Variants in EPG5 observed in about 807,000 individuals in gnomAD.
EPG5 encodes the protein ectopic P granules protein 5 homolog.
Under a neutral mutation model 302.7 loss-of-function variants are expected in EPG5, and 159 were observed. The observed-to-expected ratio is 0.53, with a 90% CI of 0.46 to 0.60. EPG5 has a LOEUF of 0.60. EPG5 is among the 20% of genes least tolerant of loss of function. The pLI, the probability that EPG5 is intolerant of heterozygous loss-of-function variation, is 0.00. For synonymous variants in EPG5, 1,158 were observed against 1,136.8 expected, an observed-to-expected ratio of 1.02 and a Z score of -0.37; for missense variants, 2,896 against 3,092.4, an observed-to-expected ratio of 0.94 and a Z score of 1.51.
the EPG5 span, chr18:45,838,637 C>T: frequency 1.4e-6 from 2 of 1,443,592 alleles, no homozygotes; most frequent in Non-Finnish European, 1.8e-6. Flanking sequence ...TTCTGACCAG[C>T]CCCCACCCCT....
the EPG5 span, among the ~76,000 whole-genome samples, chr18:45,812,538 C>G: frequency 2.4e-4 from 37 of 152,226 alleles, no homozygotes; most frequent in South Asian, 3.5e-3. Context: ...GCTACAGTAA[C>G]CAAAACAGCT....
chr18:45,870,055 C>CT (rs1001395478), intron 36 of EPG5, among the ~76,000 whole-genome samples: 4 of 152,184 alleles, frequency 2.6e-5, no homozygotes, highest in Non-Finnish European at 5.9e-5. Flanking sequence ...CATGCACTCT[C>CT]TTTTTTTAAG....
Position 45,954,846 on chromosome 18 carries a change from C to T in EPG5, c.556G>A (p.Val186Ile), listed in dbSNP as rs1221105354. Residue 186 changes from valine (V) to isoleucine (I), a missense_variant, in exon 2 of 44, where the codon GTT becomes ATT. Physicochemically the swap from Val to Ile is conservative, Grantham distance 29. This residue lies in a region of EPG5 where 1,390 missense variants were observed against 1,430.0 expected (regional missense o/e 0.97). Transcript: ENST00000282041. Reference protein sequence around the residue: ...QNSKEDKQGLVCSSEVPQNVG... With the variant: ...QNSKEDKQGLICSSEVPQNVG... Reference sequence around the variant, plus strand: ...TTCTGTGGCACCTCTGAAGAACAAACCAGGCCTTGTTTGTCTTCTTTACTA... The same window carrying T: ...TTCTGTGGCACCTCTGAAGAACAAATCAGGCCTTGTTTGTCTTCTTTACTA... 6.2e-7 allele frequency: 1 copy of T among 1,614,216 alleles called. No individual in the cohort carries two copies.
chr18:45,925,937 G>T, intron 13 of EPG5, 35 bp from the exon 14 acceptor site: 1 of 1,257,122 alleles, frequency 8.0e-7, no homozygotes, highest in Non-Finnish European at 1.0e-6. Flanking sequence ...ATTAAATAAA[G>T]ACTTAGAAAC....
chr18:45,843,371 G>A (rs947284774), downstream of EPG5: 1 of 152,262 alleles, frequency 6.6e-6, no homozygotes, highest in African/African-American at 2.4e-5. Context: ...GGCATGCCTG[G>A]GTCCCAGGTA....
chr18:45,802,044 G>A, the EPG5 span, among the ~76,000 whole-genome samples: 1 of 152,250 alleles, frequency 6.6e-6, no homozygotes, highest in Non-Finnish European at 1.5e-5. Flanking sequence ...ACCCTGCAGT[G>A]TCCACTCCCT....
At chr18:45,958,208 G>C (rs887230135) in intron 1 of EPG5, among the ~76,000 whole-genome samples, 2 of 152,170 alleles carry the variant, frequency 1.3e-5, no homozygotes, top group South Asian at 4.1e-4. Flanking sequence ...TAAATGGAAA[G>C]ACAATCTATG....
chr18:45,928,832 T>G, intron 13 of EPG5, 37 bp downstream of exon 13: 1 of 1,594,752 alleles, frequency 6.3e-7, no homozygotes, highest in Non-Finnish European at 8.5e-7. Flanking sequence ...ACTCCAAGAT[T>G]TGAAAAAACA....
chr18:45,840,613 G>C, the EPG5 span, among the ~76,000 whole-genome samples: 2 of 152,236 alleles, frequency 1.3e-5, no homozygotes, highest in African/African-American at 4.8e-5. Context: ...GGTTCTGAGA[G>C]CCTAGGTGAG....
chr18:45,912,949 G>C (rs1215280756), intron 21 of EPG5, among the ~76,000 whole-genome samples: 3 of 152,044 alleles, frequency 2.0e-5, no homozygotes, highest in Non-Finnish European at 4.4e-5. Flanking sequence ...TTAGCTGGGT[G>C]TGGTGGTGCA....
intron 39 of EPG5, among the ~76,000 whole-genome samples, chr18:45,861,729 A>C (rs1223441451): frequency 6.6e-6 from 1 of 152,178 alleles, no homozygotes; most frequent in Non-Finnish European, 1.5e-5. Context: ...CATTAACAAC[A>C]TTTAGCACCG....
chr18:45,894,084 T>C (rs2049413853), intron 27 of EPG5, among the ~76,000 whole-genome samples: 1 of 152,122 alleles, frequency 6.6e-6, no homozygotes, highest in African/African-American at 2.4e-5. Flanking sequence ...GAACTAATCA[T>C]AACACAAAAT....
At chr18:45,943,654 G>A (rs1355457406) in intron 8 of EPG5, among the ~76,000 whole-genome samples, 1 of 152,138 alleles carries the variant, frequency 6.6e-6, no homozygotes, top group African/African-American at 2.4e-5. Context: ...AGGCACGGTG[G>A]CTCACGCCTG....
At chr18:45,966,693 G>A (rs2051271357) in intron 1 of EPG5, among the ~76,000 whole-genome samples, 1 of 152,112 alleles carries the variant, frequency 6.6e-6, no homozygotes. Flanking sequence ...CTATCATCTT[G>A]AACTTTCAAA....
chr18:45,870,614 A>G lies in EPG5; in HGVS notation c.6178T>C (p.Trp2060Arg), dbSNP rs1387088435. The G allele has an allele frequency of 1.2e-6, 2 of 1,613,976 alleles. No individual in the cohort carries two copies. Among genetic ancestry groups the G allele is most frequent in the Non-Finnish European group, 1.7e-6 (2 of 1,180,012 alleles). The part of the protein sequence containing the change: ...AFHSTYRKLP[W>R]KDLHPDQMLM... ...ATCTGGTCAGGGTGCAGGTCCTTCCATGGCAGTTTCCGGTACGTGCTATGG... is the reference window on the plus strand; with the variant it reads ...ATCTGGTCAGGGTGCAGGTCCTTCCGTGGCAGTTTCCGGTACGTGCTATGG... Residue 2060 changes from tryptophan to arginine, a missense_variant, in exon 36 of 44, where the codon TGG becomes CGG. This residue lies in a region of EPG5 where 620 missense variants were observed against 704.2 expected (regional missense o/e 0.88). Transcript: ENST00000282041.
chr18:45,824,111 G>T, the EPG5 span, among the ~76,000 whole-genome samples: 3 of 152,232 alleles, frequency 2.0e-5, no homozygotes, highest in Non-Finnish European at 4.4e-5. Flanking sequence ...CTGTGGTTGG[G>T]TGGGGGCAGG....
the EPG5 span, chr18:45,841,976 A>G: frequency 3.6e-6 from 3 of 842,026 alleles, no homozygotes; most frequent in South Asian, 4.7e-5. Flanking sequence ...TTCATCTCTG[A>G]GCCCTGCCGG....
intron 39 of EPG5, among the ~76,000 whole-genome samples, chr18:45,864,069 C>T (rs562475144): frequency 1.3e-5 from 2 of 152,248 alleles, no homozygotes; most frequent in South Asian, 2.1e-4. Context: ...ATTAAACCTT[C>T]TCAGCCTATC....
intron 11 of EPG5, among the ~76,000 whole-genome samples, chr18:45,933,389 G>A (rs967329195): frequency 2.0e-5 from 3 of 152,222 alleles, no homozygotes; most frequent in African/African-American, 7.2e-5. Context: ...AAGAGAGACA[G>A]AAATGGAGGC....
Sources: gnomAD v4.1 joint callset for allele counts (sites outside exome capture counted in the v4.1 genomes callset) on GRCh38, gnomAD v4.1.1 for gene constraint, gnomAD v4.1.1 regional missense constraint, MANE v1.5 for transcripts, NCBI Gene and HGNC (gene_info 2026-07-23, HGNC 2026-07-21) for gene names.